Variants in IQSEC1 observed in about 807,000 individuals in gnomAD.
IQSEC1 encodes IQ motif and Sec7 domain ArfGEF 1, also known as IQ motif and SEC7 domain-containing protein 1.
A neutral mutation model predicts 91.0 loss-of-function variants in IQSEC1; 31 were observed. The observed-to-expected ratio is 0.34, with a 90% CI of 0.26 to 0.46. IQSEC1 has a LOEUF of 0.46. Among genes scored for constraint, IQSEC1 ranks in the 20% least tolerant of loss-of-function variants. The pLI, the probability that IQSEC1 is intolerant of heterozygous loss-of-function variation, is 1.00. For synonymous variants in IQSEC1, 699 were observed against 662.6 expected (o/e 1.05, Z -0.84); for missense variants, 1,388 against 1,575.6 (o/e 0.88, Z 2.02).
intron 1 of IQSEC1, among the ~76,000 whole-genome samples, chr3:13,177,569 T>C (rs1279173123): frequency 1.5e-5 from 1 of 67,460 alleles, no homozygotes; most frequent in Non-Finnish European, 3.1e-5. Flanking sequence ...TCACCCCCCA[T>C]TCCCCATCCC....
chr3:13,116,378 G>C (rs889423595), intron 2 of IQSEC1, among the ~76,000 whole-genome samples: 5 of 152,208 alleles, frequency 3.3e-5, no homozygotes, highest in Admixed American at 3.3e-4. Context: ...ATAAATGAAT[G>C]GGTGTGGCTG....
chr3:12,982,931 A>T (rs989398893), intron 1 of IQSEC1, among the ~76,000 whole-genome samples: 11 of 152,242 alleles, frequency 7.2e-5, no homozygotes, highest in African/African-American at 2.7e-4. Context: ...GACAGTGGCA[A>T]GGTGCGGGCC....
At chr3:13,012,963 G>GTTTTTTT (rs1269672691) in intron 1 of IQSEC1, among the ~76,000 whole-genome samples, 1 of 40,952 alleles carries the variant, frequency 2.4e-5, no homozygotes, top group Non-Finnish European at 4.9e-5. Flanking sequence ...GAAAGTCTGG[G>GTTTTTTT]CTTTTTTTTT....
At chr3:13,128,178 C>T (rs879438086) in intron 2 of IQSEC1, among the ~76,000 whole-genome samples, 4 of 152,172 alleles carry the variant, frequency 2.6e-5, no homozygotes, top group African/African-American at 4.8e-5. Context: ...ACTTACCGCT[C>T]TGTCTAGAAG....
chr3:12,925,915 G>A (rs116350288), intron 3 of IQSEC1, among the ~76,000 whole-genome samples: 1,855 of 152,328 alleles, frequency 0.012, 39 homozygotes, highest in African/African-American at 0.042. Context: ...CCGGCCGTGT[G>A]AGCCCTGGCA....
intron 1 of IQSEC1, among the ~76,000 whole-genome samples, chr3:13,046,822 C>T (rs184347408): frequency 1.3e-5 from 2 of 152,302 alleles, no homozygotes; most frequent in East Asian, 1.9e-4. Context: ...ATCGATGCAC[C>T]GAACACAGCC....
At position 12,900,095 on chromosome 3, in the gene IQSEC1, G is replaced by A. The variant is rs754866305; in HGVS notation, c.*888C>T. On this transcript the variant is annotated 3_prime_UTR_variant, in exon 14 of 14. Coordinates refer to ENST00000613206, the MANE Select transcript of IQSEC1 (RefSeq NM_001134382.3). Reference sequence around the variant, plus strand: ...AGTTGCTACTGTAGAGTGTACTGCAGTTTAGCTATTTGCTTACCTGAAATA... The same window carrying A: ...AGTTGCTACTGTAGAGTGTACTGCAATTTAGCTATTTGCTTACCTGAAATA... The A allele has an allele frequency of 4.1e-6, 4 of 983,096 alleles. No individual in the cohort carries two copies. Among genetic ancestry groups the A allele is most frequent in the African/African-American group, 1.7e-5 (1 of 57,256 alleles). The allele number at this position is 983,096 out of a possible 1,614,324, so 60.9% of individuals were successfully genotyped here.
intron 1 of IQSEC1, among the ~76,000 whole-genome samples, chr3:13,070,543 G>A (rs546938401): frequency 6.6e-5 from 10 of 152,330 alleles, no homozygotes; most frequent in Middle Eastern, 3.4e-3. Flanking sequence ...TGGGCCTGCC[G>A]CGGGTTCTGG....
At chr3:13,017,469 C>T (rs1211673301) in intron 1 of IQSEC1, among the ~76,000 whole-genome samples, 1 of 152,190 alleles carries the variant, frequency 6.6e-6, no homozygotes, top group Admixed American at 6.5e-5. Flanking sequence ...GGGCTCTGAG[C>T]TCTCGGCGAC....
intron 1 of IQSEC1, chr3:13,021,909 C>T: frequency 1.9e-6 from 1 of 534,464 alleles, no homozygotes; most frequent in African/African-American, 2.0e-5. Context: ...CCCGCTCCAC[C>T]AGAGACTGAA....
chr3:13,168,811 C>T (rs1312713621), intron 1 of IQSEC1, among the ~76,000 whole-genome samples: 3 of 152,142 alleles, frequency 2.0e-5, no homozygotes, highest in African/African-American at 7.2e-5. Flanking sequence ...TTAGGACAGG[C>T]CTTCCTGGTA....
At chr3:13,024,900 G>T (rs1228115810) in intron 1 of IQSEC1, among the ~76,000 whole-genome samples, 2 of 152,192 alleles carry the variant, frequency 1.3e-5, no homozygotes, top group African/African-American at 4.8e-5. Flanking sequence ...GCCTCAGTTT[G>T]TCCCTTTGCA....
At chr3:13,160,915 A>G in intron 2 of IQSEC1, among the ~76,000 whole-genome samples, 1 of 152,228 alleles carries the variant, frequency 6.6e-6, no homozygotes, top group East Asian at 1.9e-4. Flanking sequence ...TGCTTAAGTC[A>G]TTTGGACACA....
chr3:13,192,204 G>A (rs578197258), intron 1 of IQSEC1, among the ~76,000 whole-genome samples: 3,504 of 151,960 alleles, frequency 0.023, 47 homozygotes, highest in Middle Eastern at 0.045. Context: ...CAGGCATGGT[G>A]GCGGGCGCCT....
chr3:13,165,551 T>TGC (rs1431441893), intron 1 of IQSEC1, among the ~76,000 whole-genome samples: 3 of 132,332 alleles, frequency 2.3e-5, no homozygotes, highest in African/African-American at 8.7e-5. Flanking sequence ...TGTGTGTGTG[T>TGC]GTGTGTGTGT....
At chr3:13,274,910 G>A (rs1481410521) in intron 1 of IQSEC1, among the ~76,000 whole-genome samples, 3 of 152,228 alleles carry the variant, frequency 2.0e-5, no homozygotes, top group Non-Finnish European at 4.4e-5. Flanking sequence ...ATCTGGGGAA[G>A]GGACCATGCC....
At chr3:13,121,097 T>G (rs1214816919) in intron 2 of IQSEC1, among the ~76,000 whole-genome samples, 6 of 152,204 alleles carry the variant, frequency 3.9e-5, no homozygotes, top group Non-Finnish European at 8.8e-5. Context: ...TCCTCGGCCC[T>G]GACTATCACA....
chr3:12,908,392 C>A lies in IQSEC1; in HGVS notation c.2712G>T (p.Lys904Asn). 1 of 1,612,714 alleles carries A rather than the reference C, an allele frequency of 6.2e-7. No individual in the cohort carries two copies. The highest frequency in any genetic ancestry group is 8.5e-7 in the Non-Finnish European group (1 of 1,180,034). The change falls in exon 12 of 14, where the codon AAG becomes AAT. Residue 904 changes from lysine to asparagine, a missense_variant. By Grantham distance (94) the Lys-to-Asn change is moderately conservative (BLOSUM62 0). Coordinates refer to ENST00000613206, the MANE Select transcript of IQSEC1 (RefSeq NM_001134382.3). The surrounding 1 kb of genome is among the most constrained non-coding windows in gnomAD (Gnocchi z 4.9). ...DDSYASGEGL[K>N]RSALSSSLRD... ...GCAGGGAGCTGCTGAGGGCGCTGCG[C>A]TTGAGGCCCTCACCGCTGGCATAGC...
At chr3:13,166,532 T>C (rs1400461409) in intron 1 of IQSEC1, among the ~76,000 whole-genome samples, 2 of 152,206 alleles carry the variant, frequency 1.3e-5, no homozygotes, top group East Asian at 1.9e-4. Context: ...GTGGCCTCAG[T>C]AGTCACTTAA....
Sources: allele counts gnomAD v4.1 joint callset (sites outside exome capture counted in the v4.1 genomes callset), GRCh38; gene constraint gnomAD v4.1.1; non-coding constraint Gnocchi (gnomAD v3.1); transcripts MANE v1.5; gene names NCBI Gene and HGNC (gene_info 2026-07-23, HGNC 2026-07-21).